ZNF280C: variants seen among roughly 807,000 people sequenced by gnomAD.
ZNF280C encodes the protein zinc finger protein 280C.
ZNF280C carries 14 observed loss-of-function variants against 53.6 expected under a neutral mutation model. The observed-to-expected ratio is 0.26, with a 90% confidence interval of 0.17 to 0.41. The LOEUF is 0.41. ZNF280C is among the 10% of genes least tolerant of loss of function. ZNF280C has a pLI of 1.00. For synonymous variants in ZNF280C, 203 were observed against 181.1 expected, an observed-to-expected ratio of 1.12 and a Z score of -0.97; for missense variants, 416 against 547.1, an observed-to-expected ratio of 0.76 and a Z score of 2.39.
chrX:130,209,264 C>G (rs2032015392), intron 16 of ZNF280C, among the ~76,000 whole-genome samples: 1 of 111,630 alleles, frequency 9.0e-6, no homozygotes, highest in Admixed American at 9.5e-5. Context: ...TGTGGTGTAA[C>G]CAATGGTAAT....
chrX:130,260,299 T>A, intron 2 of ZNF280C, 120 bp downstream of exon 2: 2 of 465,628 alleles, frequency 4.3e-6, no homozygotes, highest in Non-Finnish European at 3.1e-6. Flanking sequence ...TAAAAATAAA[T>A]AAATAAATAA....
chrX:130,205,559 G>C, intron 16 of ZNF280C, 144 bp from the exon 17 acceptor site: 1 of 423,872 alleles, frequency 2.4e-6, no homozygotes, highest in African/African-American at 2.5e-5. Context: ...ATATAAACTT[G>C]ATATATTTAA....
Position 130,220,544 on chromosome X carries a change from C to T in ZNF280C, c.1396-64G>A. The T allele has an allele frequency of 3.0e-6, 3 of 1,015,885 alleles. No individual in the cohort carries two copies. In the East Asian group the frequency reaches 9.8e-5, roughly 33 times the overall value. 83.7% of individuals were successfully genotyped at this position (1,015,885 alleles called of 1,213,427 possible). ...CCACAAATCCTAGGAGCTGAAATTGCTCTTAATTCTAAAATCTAAATAAAT... is the reference window on the plus strand; with the variant it reads ...CCACAAATCCTAGGAGCTGAAATTGTTCTTAATTCTAAAATCTAAATAAAT... On this transcript the variant is annotated intron_variant, in intron 12 of 18. Coordinates refer to ENST00000370978, the MANE Select transcript of ZNF280C (RefSeq NM_017666.5).
At chrX:130,209,002 G>C (rs2032012835) in intron 16 of ZNF280C, among the ~76,000 whole-genome samples, 1 of 112,186 alleles carries the variant, frequency 8.9e-6, no homozygotes, top group African/African-American at 3.2e-5. Flanking sequence ...GGCCTAACAT[G>C]AGTATGTTTT....
intron 12 of ZNF280C, among the ~76,000 whole-genome samples, chrX:130,225,086 T>C (rs1248904043): frequency 9.0e-6 from 1 of 111,603 alleles, no homozygotes; most frequent in Non-Finnish European, 1.9e-5. Context: ...ATATGAAGAA[T>C]GACTACAGAT....
At chrX:130,253,898 A>C (rs2032538998) in intron 2 of ZNF280C, among the ~76,000 whole-genome samples, 1 of 112,526 alleles carries the variant, frequency 8.9e-6, no homozygotes, top group African/African-American at 3.2e-5. Flanking sequence ...AACAAGAGCC[A>C]AAATTGACAA....
intron 8 of ZNF280C, among the ~76,000 whole-genome samples, chrX:130,232,116 T>C (rs369375883): frequency 2.8e-5 from 3 of 107,271 alleles, no homozygotes; most frequent in African/African-American, 1.0e-4. Context: ...AAGTGAAGCC[T>C]GGTTGGAACT....
At chrX:130,226,528 T>C (rs1040743065) in intron 12 of ZNF280C, among the ~76,000 whole-genome samples, 4 of 111,779 alleles carry the variant, frequency 3.6e-5, no homozygotes, top group Non-Finnish European at 7.5e-5. Flanking sequence ...TATTTATGAT[T>C]CTCAGTGTCA....
intron 1 of ZNF280C, among the ~76,000 whole-genome samples, chrX:130,262,911 A>T (rs954104431): frequency 3.5e-4 from 39 of 112,592 alleles, no homozygotes; most frequent in African/African-American, 1.1e-3. Flanking sequence ...TATGTTTTAC[A>T]AGAGTTTATT....
chrX:130,219,885 T>TA (rs985962856), intron 13 of ZNF280C, among the ~76,000 whole-genome samples: 2 of 109,153 alleles, frequency 1.8e-5, no homozygotes, highest in Admixed American at 2.0e-4. Context: ...ATCAATCAAC[T>TA]AAAAAAAACA....
At chrX:130,234,567 A>C (rs924970469) in intron 8 of ZNF280C, among the ~76,000 whole-genome samples, 3 of 112,292 alleles carry the variant, frequency 2.7e-5, no homozygotes, top group Non-Finnish European at 3.8e-5. Context: ...AAAATTTGCC[A>C]ATCTTTGAAA....
rs148852074 is a variant in ZNF280C at position 130,226,662 on chromosome X, G to A, written c.1395+97C>T. The A allele has an allele frequency of 1.2e-4, 112 of 896,950 alleles. 1 individual carries two copies. The African/African-American group carries it at 2.0e-3, about 16-fold the overall frequency. The allele number at this position is 896,950 out of a possible 1,213,427, so 73.9% of individuals were successfully genotyped here. A position where few individuals can be genotyped will look rare whatever the true frequency, so the allele number is the denominator to read the frequency against. On this transcript the variant is annotated intron_variant, in intron 12 of 18. Coordinates refer to ENST00000370978, the MANE Select transcript of ZNF280C (RefSeq NM_017666.5). ...AGAACAAATCTAACCAATGTTCTAC[G>A]TTATAGATAGATATAGATGTAGCTA...
chrX:130,251,938 A>C lies in ZNF280C; in HGVS notation c.32-4933T>G. Reference sequence around the variant, plus strand: ...AGACCAGCCTGGCCAACATGGCGAAACCCCGTCTCTACTAAAAACACAAAA... The same window carrying C: ...AGACCAGCCTGGCCAACATGGCGAACCCCCGTCTCTACTAAAAACACAAAA... On this transcript the variant is annotated intron_variant, in intron 2 of 18. Coordinates refer to ENST00000370978, the MANE Select transcript of ZNF280C (RefSeq NM_017666.5). Among the ~76,000 whole-genome samples, 3 of 111,175 alleles carry C rather than the reference A, an allele frequency of 2.7e-5. No homozygotes were observed. The South Asian group carries it at 1.1e-3, about 42-fold the overall frequency.
chrX:130,242,411 T>C, intron 5 of ZNF280C, among the ~76,000 whole-genome samples: 1 of 112,389 alleles, frequency 8.9e-6, no homozygotes, highest in Non-Finnish European at 1.9e-5. Context: ...ACTATGAAAG[T>C]ATGATTTCAG....
chrX:130,233,463 G>A (rs5975177), intron 8 of ZNF280C, among the ~76,000 whole-genome samples: 53,373 of 107,679 alleles, frequency 0.5, 10,556 homozygotes, highest in African/African-American at 0.72. Context: ...CTAAAAATAC[G>A]AAATTAGCTG....
rs1249536237 is a variant in ZNF280C, at chrX:130,215,889, T to C, written c.1740A>G (p.Pro580=). 2.5e-6 allele frequency: 3 copies of C among 1,211,590 alleles called. No individual in the cohort carries two copies. Among genetic ancestry groups the C allele is most frequent in the Non-Finnish European group, 3.4e-6 (3 of 895,221 alleles). ...STASKVNTSK[P]RGRIAKSKAK... is the part of the protein sequence containing the mutation. The stretch of plus-strand genomic sequence containing the variant: ...CTTTGGACTTAGCTATACGTCCCCT[T>C]GGCTTACTTGTATTAACTTTACTTG... Residue 580 remains proline, a synonymous_variant, in exon 14 of 19, where the codon CCA becomes CCG. Transcript: ENST00000370978.
At chrX:130,211,564 C>T (rs1010307206) in intron 15 of ZNF280C, among the ~76,000 whole-genome samples, 1 of 110,754 alleles carries the variant, frequency 9.0e-6, no homozygotes, top group African/African-American at 3.3e-5. Context: ...GAGGAAGGTA[C>T]CTGAAGCAAT....
At chrX:130,250,816 T>A (rs2032499065) in intron 2 of ZNF280C, among the ~76,000 whole-genome samples, 1 of 111,889 alleles carries the variant, frequency 8.9e-6, no homozygotes, top group Non-Finnish European at 1.9e-5. Flanking sequence ...AAAACTTTGC[T>A]GGATGCGGTG....
intron 15 of ZNF280C, among the ~76,000 whole-genome samples, chrX:130,212,283 G>A (rs1406107137): frequency 9.0e-6 from 1 of 111,686 alleles, no homozygotes; most frequent in Non-Finnish European, 1.9e-5. Flanking sequence ...AGGGAAACTC[G>A]GCTTTGAAAT....
Sources: allele counts gnomAD v4.1 joint callset (sites outside exome capture counted in the v4.1 genomes callset), GRCh38; gene constraint gnomAD v4.1.1; transcripts MANE v1.5; gene names NCBI Gene and HGNC (gene_info 2026-07-23, HGNC 2026-07-21).